The following CTNNA3 variants were observed in gnomAD, a reference collection of about 807,000 sequenced individuals.
CTNNA3 encodes the protein catenin alpha-3.
A neutral mutation model predicts 95.7 loss-of-function variants in CTNNA3; 76 were observed. The observed-to-expected ratio is 0.79, with a 90% CI of 0.66 to 0.96. The LOEUF is 0.96. Ranked by LOEUF, CTNNA3 falls within the 40% of genes least tolerant of loss-of-function variation. The probability of loss-of-function intolerance (pLI) is 0.00; values close to 1 mark genes in which losing one functional copy is unlikely to be tolerated. For missense variants in CTNNA3, 1,191 were observed against 1,089.8 expected, an observed-to-expected ratio of 1.09 and a Z score of -1.31; for synonymous variants, 431 against 374.4, an observed-to-expected ratio of 1.15 and a Z score of -1.74.
intron 7 of CTNNA3, among the ~76,000 whole-genome samples, chr10:67,076,801 G>GA (rs1856771565): frequency 6.6e-6 from 1 of 152,100 alleles, no homozygotes; most frequent in Non-Finnish European, 1.5e-5. Context: ...CTTACCTTTA[G>GA]AAAAATGCTC....
intron 3 of CTNNA3, among the ~76,000 whole-genome samples, chr10:67,551,971 G>A (rs1285009249): frequency 6.6e-6 from 1 of 152,206 alleles, no homozygotes; most frequent in African/African-American, 2.4e-5. Flanking sequence ...TTTTGGAATA[G>A]AAGGAGGAAA....
At chr10:65,988,377 T>C (rs570276099) in intron 16 of CTNNA3, among the ~76,000 whole-genome samples, 5 of 152,102 alleles carry the variant, frequency 3.3e-5, no homozygotes, top group East Asian at 3.9e-4. Context: ...GAAAGAAATA[T>C]AATGTATCAA....
At chr10:66,079,304 T>G (rs1428903988) in intron 14 of CTNNA3, 1 of 151,918 alleles carries the variant, frequency 6.6e-6, no homozygotes, top group Non-Finnish European at 1.5e-5. Flanking sequence ...TAGAACATTT[T>G]GGTTGGTAAG....
chr10:66,575,672 GC>G (rs1842983907), intron 10 of CTNNA3, among the ~76,000 whole-genome samples: 2 of 152,238 alleles, frequency 1.3e-5, no homozygotes, highest in South Asian at 4.1e-4. Context: ...CAAAGCCTGT[GC>G]TCTTCCCATT....
intron 1 of CTNNA3, among the ~76,000 whole-genome samples, chr10:67,690,593 G>C (rs1332977321): frequency 3.3e-5 from 5 of 152,096 alleles, no homozygotes; most frequent in African/African-American, 1.2e-4. Flanking sequence ...GCAGAGTGCT[G>C]ATTGGTGCGT....
At chr10:67,066,971 T>C (rs940759558) in intron 7 of CTNNA3, among the ~76,000 whole-genome samples, 20 of 152,206 alleles carry the variant, frequency 1.3e-4, no homozygotes, top group African/African-American at 4.8e-4. Flanking sequence ...TCCTGTCTCT[T>C]AATTTAACAG....
intron 5 of CTNNA3, among the ~76,000 whole-genome samples, chr10:67,407,256 C>T (rs1462295189): frequency 6.6e-6 from 1 of 152,036 alleles, no homozygotes; most frequent in Non-Finnish European, 1.5e-5. Flanking sequence ...ATGCAAGTTT[C>T]GTTCAACACA....
intron 2 of CTNNA3, among the ~76,000 whole-genome samples, chr10:67,636,905 AG>A (rs1415999682): frequency 6.6e-6 from 1 of 152,166 alleles, no homozygotes; most frequent in Non-Finnish European, 1.5e-5. Flanking sequence ...AAAACCACAA[AG>A]ATGGGGAAAA....
At chr10:66,126,488 C>A (rs981846269) in intron 13 of CTNNA3, among the ~76,000 whole-genome samples, 1 of 152,136 alleles carries the variant, frequency 6.6e-6, no homozygotes, top group Non-Finnish European at 1.5e-5. Flanking sequence ...AGAAATGACA[C>A]CTTAGCAGCA....
At chr10:67,477,373 A>G (rs1848056450) in intron 5 of CTNNA3, among the ~76,000 whole-genome samples, 1 of 152,024 alleles carries the variant, frequency 6.6e-6, no homozygotes, top group African/African-American at 2.4e-5. Context: ...CAAAGCAGGG[A>G]GCTCAGACCA....
chr10:66,894,315 C>T (rs1424150949), intron 7 of CTNNA3, among the ~76,000 whole-genome samples: 8 of 152,092 alleles, frequency 5.3e-5, no homozygotes, highest in Admixed American at 5.2e-4. Context: ...ATTCTATCCA[C>T]TTTATCACTC....
intron 10 of CTNNA3, among the ~76,000 whole-genome samples, chr10:66,615,339 C>T (rs1426291721): frequency 6.6e-6 from 1 of 151,884 alleles, no homozygotes; most frequent in Non-Finnish European, 1.5e-5. Flanking sequence ...ACAAAAAGAT[C>T]AATTATTTCA....
chr10:67,615,410 A>G (rs1367472133), intron 2 of CTNNA3, among the ~76,000 whole-genome samples: 3 of 152,358 alleles, frequency 2.0e-5, no homozygotes, highest in South Asian at 2.1e-4. Context: ...GGATAAATAT[A>G]AAGCTAAACA....
At chr10:67,002,150 A>G (rs758575949) in intron 7 of CTNNA3, among the ~76,000 whole-genome samples, 1 of 152,334 alleles carries the variant, frequency 6.6e-6, no homozygotes, top group Non-Finnish European at 1.5e-5. Context: ...AATGGATTCA[A>G]TTCACTAATT....
chr10:67,707,187 A>G (rs939491817), intron 1 of CTNNA3, among the ~76,000 whole-genome samples: 4 of 152,210 alleles, frequency 2.6e-5, no homozygotes, highest in African/African-American at 7.2e-5. Context: ...TTCAGAACTT[A>G]GAAGTTTAGC....
chr10:66,301,384 T>C (rs2132229100), intron 12 of CTNNA3, among the ~76,000 whole-genome samples: 1 of 151,972 alleles, frequency 6.6e-6, no homozygotes, highest in East Asian at 1.9e-4. Flanking sequence ...AAATTACAGA[T>C]CAATATTTCT....
chr10:67,150,653 G>A (rs1389175261), intron 7 of CTNNA3, among the ~76,000 whole-genome samples: 2 of 152,190 alleles, frequency 1.3e-5, no homozygotes, highest in Non-Finnish European at 2.9e-5. Context: ...GTCTTCAACA[G>A]CTGTAAGAAC....
At chr10:66,789,898 T>C (rs1840900779) in intron 7 of CTNNA3, among the ~76,000 whole-genome samples, 1 of 152,028 alleles carries the variant, frequency 6.6e-6, no homozygotes, top group African/African-American at 2.4e-5. Context: ...AAAGTATGTA[T>C]TTAAGAAATC....
chr10:67,745,723 A>T (rs912339217), intron 1 of CTNNA3, among the ~76,000 whole-genome samples: 1 of 152,184 alleles, frequency 6.6e-6, no homozygotes, highest in African/African-American at 2.4e-5. Flanking sequence ...TAAATTCAGT[A>T]AAGCTTCAGA....
Sources: gnomAD v4.1 joint callset for allele counts (sites outside exome capture counted in the v4.1 genomes callset) on GRCh38, gnomAD v4.1.1 for gene constraint, MANE v1.5 for transcripts, NCBI Gene and HGNC (gene_info 2026-07-23, HGNC 2026-07-21) for gene names.